Variants in CEP44 observed in about 807,000 individuals in gnomAD.
CEP44 encodes the protein centrosomal protein 44.
A neutral mutation model predicts 46.7 loss-of-function variants in CEP44; 45 were observed. The observed-to-expected ratio is 0.96, with a 90% confidence interval of 0.76 to 1.24. CEP44 has a LOEUF of 1.24. CEP44 is among the 50% of genes most tolerant of loss of function. The pLI is 0.00. For synonymous variants in CEP44, 142 were observed against 146.0 expected, an observed-to-expected ratio of 0.97 and a Z score of 0.20; for missense variants, 475 against 459.7, an observed-to-expected ratio of 1.03 and a Z score of -0.30.
intron 8 of CEP44, among the ~76,000 whole-genome samples, chr4:174,330,484 G>A (rs1211553435): frequency 1.4e-5 from 2 of 139,200 alleles, no homozygotes; most frequent in Non-Finnish European, 3.1e-5. Flanking sequence ...GTGAGACTTC[G>A]TCTCAAAAAA....
intron 10 of CEP44, 25 bp from the exon 11 acceptor site, chr4:174,316,505 A>G (rs1741735383): frequency 7.7e-6 from 12 of 1,563,282 alleles, no homozygotes; most frequent in Non-Finnish European, 1.0e-5. Context: ...GAAATCATCT[A>G]AATTTGTTGC....
intron 1 of CEP44, among the ~76,000 whole-genome samples, chr4:174,284,932 T>C (rs188221727): frequency 2.6e-5 from 4 of 152,322 alleles, no homozygotes; most frequent in Admixed American, 2.6e-4. Context: ...TAAACAAAAA[T>C]CACTCTGGTC....
At position 174,317,713 on chromosome 4, in the gene CEP44, G is replaced by A. The variant is rs1305386149; in HGVS notation, c.*330G>A. 3 of 994,482 alleles carry A rather than the reference G, an allele frequency of 3.0e-6. No individual in the cohort carries two copies. Among genetic ancestry groups the A allele is most frequent in the Non-Finnish European group, 3.6e-6 (3 of 835,772 alleles). The allele number at this position is 994,482 out of a possible 1,614,324, so 61.6% of individuals were successfully genotyped here. A position where few individuals can be genotyped will look rare whatever the true frequency, so the allele number is the denominator to read the frequency against. On this transcript the variant is annotated 3_prime_UTR_variant, in exon 12 of 12. Transcript: ENST00000503780. ...GCTAAGTAATGTTTTTTAAAGCACAGGCTTGAGGACTATGGTTTACATCCT... is the reference window on the plus strand; with the variant it reads ...GCTAAGTAATGTTTTTTAAAGCACAAGCTTGAGGACTATGGTTTACATCCT...
chr4:174,284,316 G>A (rs937985325), intron 1 of CEP44: 6 of 355,564 alleles, frequency 1.7e-5, no homozygotes, highest in African/African-American at 6.3e-5. Context: ...TATGCTTTTA[G>A]TCACAACGAA....
chr4:174,302,051 A>G lies in CEP44; in HGVS notation c.102A>G (p.Gly34=), dbSNP rs763143448. Residue 34 remains glycine (G), a synonymous_variant, in exon 4 of 12, where the codon GGA becomes GGG. Transcript: ENST00000503780. Reference sequence around the variant, plus strand: ...TTTTTCCTAACAGTTTGATAAAGGGAGACCCAGCAGCATCTTTGCCCATCA... The same window carrying G: ...TTTTTCCTAACAGTTTGATAAAGGGGGACCCAGCAGCATCTTTGCCCATCA... ...EEVDCVGLIK[G]DPAASLPIIS... 1 of 1,602,552 alleles carries G rather than the reference A, an allele frequency of 6.2e-7. No individual in the cohort carries two copies. Among genetic ancestry groups the G allele is most frequent in the Non-Finnish European group, 8.5e-7 (1 of 1,177,392 alleles).
In CEP44 at chr4:174,294,184, C is replaced by A. The variant is rs372130702; in HGVS notation, c.-147-3782C>A. Among the ~76,000 whole-genome samples the A allele has an allele frequency of 1.4e-3, 214 of 150,896 alleles. 6 individuals are homozygous for A. In the South Asian group the frequency reaches 0.044, roughly 31 times the overall value. On this transcript the variant is annotated intron_variant, in intron 1 of 11. Coordinates refer to ENST00000503780, the MANE Select transcript of CEP44 (RefSeq NM_001040157.3). ...TCTCTGGTTTTCCTATGCAGAGGAC[C>A]CTGCGGCCTTCCGCAGTGTTTGTGT...
chr4:174,298,006 A>T lies in CEP44; in HGVS notation c.-107A>T, dbSNP rs1455927365. ...CTGATTTGTGAACCTATCTTGCTTC[A>T]GTTGGTTTCCTCCTAAATATTAGGC... On this transcript the variant is annotated 5_prime_UTR_variant, in exon 2 of 12. Coordinates refer to ENST00000503780, the MANE Select transcript of CEP44 (RefSeq NM_001040157.3). 1 of 152,148 alleles carries T rather than the reference A, an allele frequency of 6.6e-6. No homozygotes were observed. The highest frequency in any genetic ancestry group is 2.1e-4 in the South Asian group (1 of 4,816). The allele number at this position is 152,148 out of a possible 1,614,324, so 9.4% of individuals were successfully genotyped here. A position where few individuals can be genotyped will look rare whatever the true frequency, so the allele number is the denominator to read the frequency against.
intron 5 of CEP44, 132 bp from the exon 6 acceptor site, chr4:174,304,115 T>G: frequency 8.9e-7 from 1 of 1,120,150 alleles, no homozygotes; most frequent in East Asian, 2.7e-5. Flanking sequence ...TTAAAAGTCA[T>G]GTAGTCTCAT....
In CEP44 at chr4:174,326,592, A is replaced by C. The variant is rs1328389633; in HGVS notation, c.1087-4890A>C. Among the ~76,000 whole-genome samples, 3 of 152,018 alleles carry C rather than the reference A, an allele frequency of 2.0e-5. No homozygotes were observed. The highest frequency in any genetic ancestry group is 7.2e-5 in the African/African-American group (3 of 41,446). ...ATGTGCCAACCTATTTACCATTTCC[A>C]GTGCTATTTATTCTTTCATGTAGAT... is the stretch of plus-strand genomic sequence containing the variant. On this transcript the variant is annotated intron_variant, in intron 8 of 8. Transcript: ENST00000426172. This position sits in a 1 kb window ranked among gnomAD's most constrained non-coding sequence, Gnocchi z 4.8.
In CEP44 at chr4:174,311,280, T is replaced by G. The variant is rs1741050074; in HGVS notation, c.961+422T>G. 6.6e-6 allele frequency among the ~76,000 whole-genome samples: 1 copy of G among 152,052 alleles called. No individual in the cohort carries two copies. Among genetic ancestry groups the G allele is most frequent in the Admixed American group, 6.6e-5 (1 of 15,250 alleles). On this transcript the variant is annotated intron_variant, in intron 9 of 11. Coordinates refer to ENST00000503780, the MANE Select transcript of CEP44 (RefSeq NM_001040157.3). This position sits in a 1 kb window ranked among gnomAD's most constrained non-coding sequence, Gnocchi z 4.4. Reference sequence around the variant, plus strand: ...TGCAAACTTCTTCCATGTGAATAGTTCACTGATAATGATAAAATGGGAAAG... The same window carrying G: ...TGCAAACTTCTTCCATGTGAATAGTGCACTGATAATGATAAAATGGGAAAG...
chr4:174,308,827 G>T lies in CEP44; in HGVS notation c.646G>T (p.Val216Leu). The change falls in exon 7 of 12, where the codon GTA becomes TTA. Residue 216 changes from valine (V) to leucine (L), a missense_variant. Coordinates refer to ENST00000503780, the MANE Select transcript of CEP44 (RefSeq NM_001040157.3). ...LNATEIKMPE[V>L]KVPEIKAEQQ... The stretch of plus-strand genomic sequence containing the variant: ...TGCTACTGAAATAAAGATGCCTGAA[G>T]TAAAGGTTCCTGAAATCAAGGCTGA... 1 of 1,613,120 alleles carries T rather than the reference G, an allele frequency of 6.2e-7. No individual in the cohort carries two copies. The highest frequency in any genetic ancestry group is 8.5e-7 in the Non-Finnish European group (1 of 1,179,370).
rs1264201102 is a variant in CEP44 at position 174,298,061 on chromosome 4, A to G, written c.-52A>G. 1.3e-5 allele frequency: 2 copies of G among 151,400 alleles called. No individual in the cohort carries two copies. The highest frequency in any genetic ancestry group is 6.6e-5 in the Admixed American group (1 of 15,206). 9.4% of individuals were successfully genotyped at this position (151,400 alleles called of 1,614,324 possible). On this transcript the variant is annotated splice_region_variant and 5_prime_UTR_variant, in exon 2 of 12. Transcript: ENST00000503780. ...GGGATTGGCTGGTCTGTGCTCTGCT[A>G]GGTTGGTTATCCCTTATTCATTTGC...
downstream of CEP44, among the ~76,000 whole-genome samples, chr4:174,325,278 C>T (rs76602733): frequency 6.8e-3 from 1,041 of 152,196 alleles, 2 homozygotes; most frequent in Non-Finnish European, 8.7e-3. The surrounding 1 kb of genome is among the most constrained non-coding windows in gnomAD (Gnocchi z 4.4). Flanking sequence ...TGTGGTTTCT[C>T]GTTCATTTCA....
At chr4:174,294,586 G>A (rs2126532978) in intron 1 of CEP44, among the ~76,000 whole-genome samples, 1 of 152,004 alleles carries the variant, frequency 6.6e-6, no homozygotes, top group South Asian at 2.1e-4. Context: ...GTGGTGGCTG[G>A]GCAGAGGGGC....
chr4:174,294,794 C>T lies in CEP44; in HGVS notation c.-147-3172C>T, dbSNP rs1415594021. Among the ~76,000 whole-genome samples the T allele has an allele frequency of 1.2e-4, 17 of 138,478 alleles. No homozygotes were observed. In the South Asian group the frequency reaches 1.6e-3, roughly 13 times the overall value. 90.8% of individuals were successfully genotyped at this position (138,478 alleles called of 152,430 possible). ...CTCCCTCCCGGACGGTGCGGCTGGC[C>T]GGGTGGGGGGCTGACCCCCCCACCT... On this transcript the variant is annotated intron_variant, in intron 1 of 11. Transcript: ENST00000503780.
At position 174,317,736 on chromosome 4, in the gene CEP44, C is replaced by G. The variant is rs1283501707; in HGVS notation, c.*353C>G. On this transcript the variant is annotated 3_prime_UTR_variant, in exon 12 of 12. Coordinates refer to ENST00000503780, the MANE Select transcript of CEP44 (RefSeq NM_001040157.3). ...CAGGCTTGAGGACTATGGTTTACAT[C>G]CTGTTGGAAACATTCCAAATGGGAC... is the stretch of plus-strand genomic sequence containing the variant. 3.0e-6 allele frequency: 3 copies of G among 989,936 alleles called. No individual in the cohort carries two copies. The highest frequency in any genetic ancestry group is 3.6e-6 in the Non-Finnish European group (3 of 832,874). The allele number at this position is 989,936 out of a possible 1,614,324, so 61.3% of individuals were successfully genotyped here. A position where few individuals can be genotyped will look rare whatever the true frequency, so the allele number is the denominator to read the frequency against.
intron 9 of CEP44, among the ~76,000 whole-genome samples, chr4:174,315,339 TG>T (rs1415170238): frequency 1.3e-5 from 2 of 152,144 alleles, no homozygotes. Context: ...TTGATATTTT[TG>T]TAGGGGAGAT....
rs1740898961 is a variant in CEP44 at position 174,310,098 on chromosome 4, A to G, written c.885+42A>G. Reference sequence around the variant, plus strand: ...ACATTTATAAAATATCTCAGATATAACAAAGTTTTTTTTTGATTGTTATAT... The same window carrying G: ...ACATTTATAAAATATCTCAGATATAGCAAAGTTTTTTTTTGATTGTTATAT... On this transcript the variant is annotated intron_variant, in intron 8 of 11. Coordinates refer to ENST00000503780, the MANE Select transcript of CEP44 (RefSeq NM_001040157.3). This position sits in a 1 kb window ranked among gnomAD's most constrained non-coding sequence, Gnocchi z 4.2. The G allele has an allele frequency of 3.2e-6, 5 of 1,555,612 alleles. No homozygotes were observed. The highest frequency in any genetic ancestry group is 4.3e-6 in the Non-Finnish European group (5 of 1,152,496).
intron 3 of CEP44, 145 bp downstream of exon 3, chr4:174,299,355 C>T: frequency 3.4e-6 from 2 of 593,618 alleles, no homozygotes; most frequent in Non-Finnish European, 5.6e-6. Flanking sequence ...TTTGAGAAAG[C>T]AGGGAATTAT....
Sources: allele counts gnomAD v4.1 joint callset (sites outside exome capture counted in the v4.1 genomes callset), GRCh38; gene constraint gnomAD v4.1.1; non-coding constraint Gnocchi (gnomAD v3.1); transcripts MANE v1.5; gene names NCBI Gene and HGNC (gene_info 2026-07-23, HGNC 2026-07-21).